HS6ST3: variants seen among roughly 807,000 people sequenced by gnomAD.
HS6ST3 encodes the protein heparan-sulfate 6-O-sulfotransferase 3.
HS6ST3 carries 12 observed loss-of-function variants against 36.7 expected under a neutral mutation model. The observed-to-expected ratio is 0.33, with a 90% confidence interval of 0.21 to 0.53. HS6ST3 has a LOEUF of 0.53. HS6ST3 is among the 20% of genes least tolerant of loss of function. The probability of loss-of-function intolerance (pLI) is 0.95; values close to 1 mark genes in which losing one functional copy is unlikely to be tolerated. For synonymous variants in HS6ST3, 240 were observed against 257.5 expected (o/e 0.93, Z 0.65); for missense variants, 584 against 640.9 (o/e 0.91, Z 0.96).
chr13:96,765,598 C>CTT (rs889449303), intron 1 of HS6ST3, among the ~76,000 whole-genome samples: 7 of 109,444 alleles, frequency 6.4e-5, no homozygotes, highest in African/African-American at 3.0e-4. Context: ...TTCTCTCTCT[C>CTT]TCTCTCTCTC....
chr13:96,185,706 G>A (rs1289144704), intron 1 of HS6ST3, among the ~76,000 whole-genome samples: 2 of 152,074 alleles, frequency 1.3e-5, no homozygotes, highest in Admixed American at 1.3e-4. Flanking sequence ...TCCACATCAT[G>A]TTTTTCAGTG....
rs141187014 is a variant in HS6ST3, at chr13:96,123,516, C to T, written c.707+31947C>T. On this transcript the variant is annotated intron_variant, in intron 1 of 1. Coordinates refer to ENST00000376705, the MANE Select transcript of HS6ST3 (RefSeq NM_153456.4). ...GAAAAGGCGAGTTGGAGCCAATGCT[C>T]AGGTTCTTTATACTGGTTAGTTTGA... Among the ~76,000 whole-genome samples, 481 of 152,262 alleles carry T rather than the reference C, an allele frequency of 3.2e-3. 2 individuals are homozygous for T. The highest frequency in any genetic ancestry group is 0.011 in the African/African-American group (472 of 41,560).
chr13:96,696,811 G>A (rs755904808), intron 1 of HS6ST3, among the ~76,000 whole-genome samples: 3 of 152,066 alleles, frequency 2.0e-5, no homozygotes, highest in Non-Finnish European at 4.4e-5. Flanking sequence ...GCCTCATTTG[G>A]CATTTAGAAG....
intron 1 of HS6ST3, among the ~76,000 whole-genome samples, chr13:96,133,435 T>G (rs1180647387): frequency 6.6e-6 from 1 of 151,378 alleles, no homozygotes; most frequent in Non-Finnish European, 1.5e-5. Flanking sequence ...CTATTATCTT[T>G]TTTTTGAGAT....
At chr13:96,148,803 A>C (rs574586246) in intron 1 of HS6ST3, among the ~76,000 whole-genome samples, 1 of 152,308 alleles carries the variant, frequency 6.6e-6, no homozygotes, top group South Asian at 2.1e-4. Flanking sequence ...AAGAGTAAAG[A>C]TTCGGAATTA....
intron 1 of HS6ST3, among the ~76,000 whole-genome samples, chr13:96,767,998 T>TGGG (rs1877159582): frequency 6.6e-6 from 1 of 152,192 alleles, no homozygotes; most frequent in South Asian, 2.1e-4. Flanking sequence ...TGCTCTCCCA[T>TGGG]GTAAGCTAGA....
At chr13:96,668,344 T>C (rs60312304) in intron 1 of HS6ST3, among the ~76,000 whole-genome samples, 1,837 of 152,226 alleles carry the variant, frequency 0.012, 32 homozygotes, top group African/African-American at 0.042. Flanking sequence ...ATGAGAAAAC[T>C]GATGCTGAAA....
chr13:96,531,466 G>A (rs777854446), intron 1 of HS6ST3, among the ~76,000 whole-genome samples: 2 of 152,144 alleles, frequency 1.3e-5, no homozygotes, highest in South Asian at 2.1e-4. Flanking sequence ...AGAATGTTCT[G>A]TCTTTGTATT....
In HS6ST3 at chr13:96,274,212, T is replaced by A. The variant is rs373532195; in HGVS notation, c.707+182643T>A. Among the ~76,000 whole-genome samples, 22 of 151,734 alleles carry A rather than the reference T, an allele frequency of 1.4e-4. 1 individual carries two copies. The South Asian group carries it at 4.6e-3, about 32-fold the overall frequency. On this transcript the variant is annotated intron_variant, in intron 1 of 1. Coordinates refer to ENST00000376705, the MANE Select transcript of HS6ST3 (RefSeq NM_153456.4). ...CACTAGCAGCTCCTGAATTCCAAAGTTCTGACTGTTTCCATCATCAAAGAA... is the reference window on the plus strand; with the variant it reads ...CACTAGCAGCTCCTGAATTCCAAAGATCTGACTGTTTCCATCATCAAAGAA...
chr13:96,606,597 G>T, intron 1 of HS6ST3, among the ~76,000 whole-genome samples: 1 of 50,630 alleles, frequency 2.0e-5, no homozygotes, highest in South Asian at 7.8e-4. Flanking sequence ...GAGGGACAGA[G>T]GGAGGGAGGG....
intron 1 of HS6ST3, among the ~76,000 whole-genome samples, chr13:96,801,700 C>A (rs1429689526): frequency 6.6e-6 from 1 of 152,024 alleles, no homozygotes; most frequent in Non-Finnish European, 1.5e-5. Flanking sequence ...AGTCAGGATC[C>A]ATCTCCACGC....
intron 1 of HS6ST3, among the ~76,000 whole-genome samples, chr13:96,634,290 C>T (rs1257052490): frequency 6.6e-6 from 1 of 152,194 alleles, no homozygotes. Context: ...TCAGTGCTTG[C>T]CCCATCTGTC....
chr13:96,786,843 C>G (rs1231314595), intron 1 of HS6ST3, among the ~76,000 whole-genome samples: 2 of 146,884 alleles, frequency 1.4e-5, no homozygotes, highest in Non-Finnish European at 3.0e-5. Flanking sequence ...AGAACAGTTC[C>G]ATAATTCCCA....
chr13:96,558,588 T>C (rs3848014), intron 1 of HS6ST3, among the ~76,000 whole-genome samples: 14,954 of 152,176 alleles, frequency 0.098, 1,398 homozygotes, highest in African/African-American at 0.25. Context: ...TAAGAGGGAA[T>C]GTGTAACTTA....
intron 1 of HS6ST3, among the ~76,000 whole-genome samples, chr13:96,528,445 CT>C (rs2056122703): frequency 6.6e-6 from 1 of 152,112 alleles, no homozygotes; most frequent in Admixed American, 6.6e-5. Flanking sequence ...CCATGAGCTG[CT>C]TGACAGGGGC....
At chr13:96,563,964 C>T (rs2056272030) in intron 1 of HS6ST3, among the ~76,000 whole-genome samples, 1 of 152,120 alleles carries the variant, frequency 6.6e-6, no homozygotes, top group Non-Finnish European at 1.5e-5. Flanking sequence ...TTGCAGATAA[C>T]AGGAAATAAT....
chr13:96,172,141 T>A (rs2054190459), intron 1 of HS6ST3, among the ~76,000 whole-genome samples: 1 of 152,252 alleles, frequency 6.6e-6, no homozygotes, highest in Non-Finnish European at 1.5e-5. Flanking sequence ...GAAATATGTG[T>A]ACTTGTTGAG....
chr13:96,532,076 G>A (rs1203633904), intron 1 of HS6ST3, among the ~76,000 whole-genome samples: 1 of 152,124 alleles, frequency 6.6e-6, no homozygotes, highest in Non-Finnish European at 1.5e-5. Flanking sequence ...CAAGGGAAAG[G>A]CCCATCCCAG....
At chr13:96,188,987 T>C (rs962264541) in intron 1 of HS6ST3, among the ~76,000 whole-genome samples, 1 of 152,168 alleles carries the variant, frequency 6.6e-6, no homozygotes, top group Non-Finnish European at 1.5e-5. Flanking sequence ...ACGAATATGG[T>C]ATTAAATCCA....
Sources: allele counts gnomAD v4.1 joint callset (sites outside exome capture counted in the v4.1 genomes callset), GRCh38; gene constraint gnomAD v4.1.1; transcripts MANE v1.5; gene names NCBI Gene and HGNC (gene_info 2026-07-23, HGNC 2026-07-21).